Variants in PSMD3 observed in about 807,000 individuals in gnomAD.
The protein encoded by PSMD3 is proteasome 26S subunit, non-ATPase 3, also known as 26S proteasome non-ATPase regulatory subunit 3.
A neutral mutation model predicts 62.8 loss-of-function variants in PSMD3; 5 were observed. That is an observed-to-expected ratio of 0.08 (90% CI 0.04 to 0.17). The LOEUF is 0.17. Among genes scored for constraint, PSMD3 ranks in the 10% least tolerant of loss-of-function variants. The pLI is 1.00. For synonymous variants in PSMD3, 265 were observed against 283.9 expected (o/e 0.93, Z 0.67); for missense variants, 524 against 713.6 (o/e 0.73, Z 3.03).
chr17:39,995,403 C>A lies in PSMD3; in HGVS notation c.1217-21C>A. The A allele has an allele frequency of 6.2e-7, 1 of 1,612,844 alleles. No individual in the cohort carries two copies. Among genetic ancestry groups the A allele is most frequent in the East Asian group, 2.2e-5 (1 of 44,882 alleles). On this transcript the variant is annotated intron_variant, in intron 8 of 11. Transcript: ENST00000264639. The surrounding 1 kb of genome is among the most constrained non-coding windows in gnomAD (Gnocchi z 4.1). The stretch of plus-strand genomic sequence containing the variant: ...GGGTCTGTGTCCACTCTGCCCACCC[C>A]ATCGCTCCTTCCTCTCCCAGGTGTA...
intron 1 of PSMD3, 88 bp downstream of exon 1, chr17:39,981,278 C>T: frequency 1.3e-6 from 2 of 1,526,908 alleles, no homozygotes; most frequent in Non-Finnish European, 1.8e-6. Flanking sequence ...CCACAGCAGC[C>T]TCCACCACCC....
At chr17:39,997,074 C>T (rs1333325113) in intron 10 of PSMD3, among the ~76,000 whole-genome samples, 2 of 152,334 alleles carry the variant, frequency 1.3e-5, no homozygotes, top group African/African-American at 4.8e-5. Flanking sequence ...CCCGTTGCCA[C>T]ATCCACTGTG....
At chr17:39,997,013 G>A (rs948981104) in intron 10 of PSMD3, among the ~76,000 whole-genome samples, 1 of 152,102 alleles carries the variant, frequency 6.6e-6, no homozygotes, top group Non-Finnish European at 1.5e-5. Context: ...CAGCCCACTG[G>A]GTGCAGGCCA....
At chr17:39,986,831 C>A in intron 3 of PSMD3, 119 bp downstream of exon 3, 1 of 1,320,226 alleles carries the variant, frequency 7.6e-7, no homozygotes, top group Non-Finnish European at 1.0e-6. Flanking sequence ...CTGTCCCCCA[C>A]ACTCTTTCCC....
chr17:39,989,942 G>T lies in PSMD3; in HGVS notation c.877+13G>T, dbSNP rs1229034950. 1.2e-6 allele frequency: 2 copies of T among 1,605,462 alleles called. No homozygotes were observed. The highest frequency in any genetic ancestry group is 1.7e-6 in the Non-Finnish European group (2 of 1,173,104). The stretch of plus-strand genomic sequence containing the variant: ...CTCTACTACACAGGTGAGCAGAGGG[G>T]CCCAACCCATAAATCAGAAGGTGTC... On this transcript the variant is annotated intron_variant, in intron 5 of 11. Transcript: ENST00000264639.
chr17:39,985,449 G>A (rs1197364772), intron 2 of PSMD3, among the ~76,000 whole-genome samples: 1 of 152,224 alleles, frequency 6.6e-6, no homozygotes, highest in Non-Finnish European at 1.5e-5. Flanking sequence ...CAGTTTGGTG[G>A]TGGTGGTGGC....
intron 6 of PSMD3, among the ~76,000 whole-genome samples, chr17:39,991,376 G>T (rs1301074773): frequency 6.6e-6 from 1 of 152,034 alleles, no homozygotes; most frequent in Admixed American, 6.6e-5. Flanking sequence ...GGCTGGTCTC[G>T]AACTCCTGAC....
At position 39,996,837 on chromosome 17, in the gene PSMD3, C is replaced by A. The variant is rs953958860; in HGVS notation, c.1477-493C>A. Reference sequence around the variant, plus strand: ...TTAAGCACTGAGTTTGGCGCTGTTACTATTTGCTTGCCATGTTTTTTTCTG... The same window carrying A: ...TTAAGCACTGAGTTTGGCGCTGTTAATATTTGCTTGCCATGTTTTTTTCTG... On this transcript the variant is annotated intron_variant, in intron 10 of 11. Transcript: ENST00000264639. The surrounding 1 kb of genome is among the most constrained non-coding windows in gnomAD (Gnocchi z 5.1). 9 of 450,522 alleles carry A rather than the reference C, an allele frequency of 2.0e-5. No individual in the cohort carries two copies. The highest frequency in any genetic ancestry group is 4.0e-5 in the Non-Finnish European group (9 of 226,062). 27.9% of individuals were successfully genotyped at this position (450,522 alleles called of 1,614,324 possible).
intron 1 of PSMD3, among the ~76,000 whole-genome samples, chr17:39,983,876 G>A (rs1980448261): frequency 1.3e-5 from 2 of 152,146 alleles, no homozygotes; most frequent in African/African-American, 4.8e-5. Context: ...GTGAGTGGTC[G>A]CATTTTGCCC....
chr17:39,986,523 T>G (rs911611850), intron 2 of PSMD3, 52 bp from the exon 3 acceptor site: 5 of 1,595,468 alleles, frequency 3.1e-6, no homozygotes, highest in Non-Finnish European at 4.3e-6. Context: ...AATAAATTCT[T>G]GGTTACTTGA....
At chr17:39,982,710 A>G (rs1980417754) in intron 1 of PSMD3, among the ~76,000 whole-genome samples, 1 of 152,244 alleles carries the variant, frequency 6.6e-6, no homozygotes, top group African/African-American at 2.4e-5. Flanking sequence ...TATTTATATC[A>G]TTAGTGTGGC....
At position 39,991,950 on chromosome 17, in the gene PSMD3, A is replaced by G. The variant is rs1274423742; in HGVS notation, c.981+1753A>G. Among the ~76,000 whole-genome samples, 4 of 150,588 alleles carry G rather than the reference A, an allele frequency of 2.7e-5. No homozygotes were observed. In the East Asian group the frequency reaches 6.0e-4, roughly 23 times the overall value. ...TGAGGTGCAAGGATCACTTGGGCCC[A>G]GGAAGTCGAGGCTGCAGTGAGCCAT... On this transcript the variant is annotated intron_variant, in intron 6 of 11. Transcript: ENST00000264639.
chr17:39,996,634 C>T lies in PSMD3; in HGVS notation c.1476+296C>T. ...GTTCCAAATTTGAGGCATTTAACTTCTCAAAGCTCTGTTTCTCCATCTCTG... is the reference window on the plus strand; with the variant it reads ...GTTCCAAATTTGAGGCATTTAACTTTTCAAAGCTCTGTTTCTCCATCTCTG... On this transcript the variant is annotated intron_variant, in intron 10 of 11. Transcript: ENST00000264639. The surrounding 1 kb of genome is among the most constrained non-coding windows in gnomAD (Gnocchi z 5.1). 1 of 572,468 alleles carries T rather than the reference C, an allele frequency of 1.7e-6. No individual in the cohort carries two copies. Among genetic ancestry groups the T allele is most frequent in the South Asian group, 1.5e-5 (1 of 65,626 alleles). 35.5% of individuals were successfully genotyped at this position (572,468 alleles called of 1,614,324 possible).
Position 39,981,011 on chromosome 17 carries a change from A to G in PSMD3, c.41A>G (p.Lys14Arg), listed in dbSNP as rs771728091. Residue 14 changes from lysine to arginine, a missense_variant, in exon 1 of 12, where the codon AAG becomes AGG. Lys to Arg is a conservative substitution (Grantham distance 26). Around this residue, in one of 4 missense-constraint regions of PSMD3, gnomAD observed 396 missense variants for 475.8 expected, o/e 0.83. Coordinates refer to ENST00000264639, the MANE Select transcript of PSMD3 (RefSeq NM_002809.4). ...TCGGCGCGGCGCCGCGGCGCGGACA[A>G]GGCGAAACCGCCGCCCGGCGGAGGA... Reference protein sequence around the residue: ...EGSARRRGADKAKPPPGGGEQ... With the variant: ...EGSARRRGADRAKPPPGGGEQ... 3.2e-6 allele frequency: 5 copies of G among 1,549,342 alleles called. No individual in the cohort carries two copies. In the South Asian group the frequency reaches 5.9e-5, roughly 18 times the overall value.
intron 2 of PSMD3, 86 bp from the exon 3 acceptor site, chr17:39,986,489 T>G: frequency 6.7e-7 from 1 of 1,499,106 alleles, no homozygotes; most frequent in Non-Finnish European, 9.2e-7. Flanking sequence ...TCAATAAATA[T>G]GTTGAAATAC....
In PSMD3 at chr17:39,980,967, T is replaced by C; in HGVS notation, c.-4T>C. ...CCCCGGACTAGGCCGTGACCCCGGG[T>C]GCCATGAAGCAGGAGGGCTCGGCGC... is the stretch of plus-strand genomic sequence containing the variant. On this transcript the variant is annotated 5_prime_UTR_variant, in exon 1 of 12. Coordinates refer to ENST00000264639, the MANE Select transcript of PSMD3 (RefSeq NM_002809.4). The C allele has an allele frequency of 2.0e-6, 3 of 1,529,512 alleles. No individual in the cohort carries two copies. Among genetic ancestry groups the C allele is most frequent in the Non-Finnish European group, 2.6e-6 (3 of 1,141,356 alleles). 94.7% of individuals were successfully genotyped at this position (1,529,512 alleles called of 1,614,324 possible). A position where few individuals can be genotyped will look rare whatever the true frequency, so the allele number is the denominator to read the frequency against.
At chr17:39,992,024 C>CAAAAAAAAAAAAAAA (rs59894264) in intron 6 of PSMD3, among the ~76,000 whole-genome samples, 7 of 102,070 alleles carry the variant, frequency 6.9e-5, no homozygotes, top group African/African-American at 1.4e-4. Context: ...GACTCTGTCT[C>CAAAAAAAAAAAAAAA]AAAAAAAAAC....
rs1301703041 is a variant in PSMD3 at position 39,997,772 on chromosome 17, C to T, written c.*191C>T. On this transcript the variant is annotated 3_prime_UTR_variant, in exon 12 of 12. Coordinates refer to ENST00000264639, the MANE Select transcript of PSMD3 (RefSeq NM_002809.4). The stretch of plus-strand genomic sequence containing the variant: ...CCTCCCCAGCCGGTGACTTACTGTA[C>T]AGCAGGCAGGAGGGTGGGCAGGCAA... 2 of 669,046 alleles carry T rather than the reference C, an allele frequency of 3.0e-6. No individual in the cohort carries two copies. Among genetic ancestry groups the T allele is most frequent in the Non-Finnish European group, 5.1e-6 (2 of 394,384 alleles). 41.4% of individuals were successfully genotyped at this position (669,046 alleles called of 1,614,324 possible).
rs369039348 is a variant in PSMD3, at chr17:39,996,871, C to T, written c.1477-459C>T. 4.5e-5 allele frequency: 20 copies of T among 440,870 alleles called. No individual in the cohort carries two copies. The highest frequency in any genetic ancestry group is 3.8e-4 in the Middle Eastern group (1 of 2,612). 27.3% of individuals were successfully genotyped at this position (440,870 alleles called of 1,614,324 possible). On this transcript the variant is annotated intron_variant, in intron 10 of 11. Coordinates refer to ENST00000264639, the MANE Select transcript of PSMD3 (RefSeq NM_002809.4). The surrounding 1 kb of genome is among the most constrained non-coding windows in gnomAD (Gnocchi z 5.1). ...TGCCATGTTTTTTTCTGGTCTCCTC[C>T]GAGGAAACTAGGATATTGCTGCCTT...
Sources: allele counts gnomAD v4.1 joint callset (sites outside exome capture counted in the v4.1 genomes callset), GRCh38; gene constraint gnomAD v4.1.1; regional missense constraint gnomAD v4.1.1; non-coding constraint Gnocchi (gnomAD v3.1); transcripts MANE v1.5; gene names NCBI Gene and HGNC (gene_info 2026-07-23, HGNC 2026-07-21).